MAP7: variants seen among roughly 807,000 people sequenced by gnomAD.
MAP7 encodes microtubule associated protein 7.
In MAP7, 52 loss-of-function variants were observed where a neutral mutation model predicts 94.8. The observed-to-expected ratio is 0.55, with a 90% CI of 0.44 to 0.69. The LOEUF (loss-of-function observed/expected upper bound fraction) is 0.69. Ranked by LOEUF, MAP7 falls within the 30% of genes least tolerant of loss-of-function variation. The pLI is 0.00. For missense variants in MAP7, 940 were observed against 964.6 expected, an observed-to-expected ratio of 0.97 and a Z score of 0.34; for synonymous variants, 350 against 357.0, an observed-to-expected ratio of 0.98 and a Z score of 0.22.
rs763411412 is a variant in MAP7 at position 136,360,054 on chromosome 6, CAAG to C, written c.1804-26_1804-24del. On this transcript the variant is annotated intron_variant, in intron 13 of 17. Coordinates refer to ENST00000354570, the MANE Select transcript of MAP7 (RefSeq NM_003980.6). ...TCGCTATAGGAAAGGAAGAATTGAG[CAAG>C]AAGATTAGACACAGAAAAAAAGCCA... 1.3e-4 allele frequency: 214 copies of C among 1,592,108 alleles called. 1 individual carries two copies. In the Admixed American group the frequency reaches 1.8e-3, roughly 13 times the overall value.
At chr6:136,357,500 C>A (rs1791363275) in intron 15 of MAP7, among the ~76,000 whole-genome samples, 1 of 152,104 alleles carries the variant, frequency 6.6e-6, no homozygotes, top group Non-Finnish European at 1.5e-5. Flanking sequence ...CCCCTTGCCC[C>A]CTGCTTTTTT....
chr6:136,362,170 C>G (rs1582672645), intron 11 of MAP7, among the ~76,000 whole-genome samples: 1 of 152,066 alleles, frequency 6.6e-6, no homozygotes, highest in East Asian at 1.9e-4. Flanking sequence ...TCTGCAATCT[C>G]AACACTTTGG....
intron 2 of MAP7, among the ~76,000 whole-genome samples, chr6:136,413,359 C>G (rs1204872154): frequency 6.6e-6 from 1 of 151,706 alleles, no homozygotes; most frequent in Non-Finnish European, 1.5e-5. Context: ...CCTGTCTCTA[C>G]TAAAAATACA....
chr6:136,521,936 TA>T (rs1277570470), intron 1 of MAP7, among the ~76,000 whole-genome samples: 1 of 152,200 alleles, frequency 6.6e-6, no homozygotes, highest in Admixed American at 6.5e-5. Flanking sequence ...GCATTATTTG[TA>T]CACATTTTTC....
intron 13 of MAP7, among the ~76,000 whole-genome samples, 178 bp downstream of exon 13, chr6:136,360,519 T>A (rs937782277): frequency 6.6e-6 from 1 of 152,092 alleles, no homozygotes; most frequent in African/African-American, 2.4e-5. Flanking sequence ...GAAGTAAGTG[T>A]TTTTTGGTGA....
At position 136,487,549 on chromosome 6, in the gene MAP7, GA is replaced by G. The variant is rs898560107; in HGVS notation, c.67+62792del. 4.0e-5 allele frequency among the ~76,000 whole-genome samples: 6 copies of G among 149,356 alleles called. No individual in the cohort carries two copies. The South Asian group carries it at 6.4e-4, about 16-fold the overall frequency. ...GATCCCGTTTCTGCAAAAATTTAAA[GA>G]AAAAAAAAATTAGCCAGGCATGGTG... On this transcript the variant is annotated intron_variant, in intron 1 of 17. Transcript: ENST00000354570.
chr6:136,468,470 T>C lies in MAP7; in HGVS notation c.68-46671A>G, dbSNP rs149033358. Among the ~76,000 whole-genome samples, 215 of 152,268 alleles carry C rather than the reference T, an allele frequency of 1.4e-3. 1 individual carries two copies. Among genetic ancestry groups the C allele is most frequent in the African/African-American group, 4.8e-3 (201 of 41,540 alleles). ...AGATGCTGCTCGACTTACAATGGGG[T>C]TATGTCCTGATAAGCCCATTATAAG... On this transcript the variant is annotated intron_variant, in intron 1 of 17. Transcript: ENST00000354570.
At chr6:136,422,836 T>C (rs571970969) in intron 1 of MAP7, among the ~76,000 whole-genome samples, 3 of 152,216 alleles carry the variant, frequency 2.0e-5, no homozygotes, top group Admixed American at 6.5e-5. Flanking sequence ...CTCTCTGCTT[T>C]CATATCAGTC....
chr6:136,347,838 T>C (rs1472687847), intron 16 of MAP7, among the ~76,000 whole-genome samples: 1 of 152,238 alleles, frequency 6.6e-6, no homozygotes, highest in Non-Finnish European at 1.5e-5. Flanking sequence ...TGAAGATGCC[T>C]GTCCTAAGTG....
At position 136,409,253 on chromosome 6, in the gene MAP7, C is replaced by T. The variant is rs114172343; in HGVS notation, c.244+2367G>A. Among the ~76,000 whole-genome samples the T allele has an allele frequency of 4.4e-3, 673 of 152,060 alleles. 6 individuals carry two copies. The highest frequency in any genetic ancestry group is 0.016 in the African/African-American group (648 of 41,476). Reference sequence around the variant, plus strand: ...AAGAGAAAAATGCCAGGTGTGGTGACGTGAGTCTGTAATGCCAGCTACTAA... The same window carrying T: ...AAGAGAAAAATGCCAGGTGTGGTGATGTGAGTCTGTAATGCCAGCTACTAA... On this transcript the variant is annotated intron_variant, in intron 3 of 17. Transcript: ENST00000354570.
chr6:136,426,050 T>C (rs946678140), intron 1 of MAP7, among the ~76,000 whole-genome samples: 3 of 152,220 alleles, frequency 2.0e-5, no homozygotes, highest in African/African-American at 7.2e-5. Context: ...TCCAATACTA[T>C]CTCCTCTCTT....
intron 1 of MAP7, among the ~76,000 whole-genome samples, chr6:136,536,425 G>A (rs965534239): frequency 7.2e-5 from 11 of 152,058 alleles, no homozygotes; most frequent in Admixed American, 5.9e-4. Flanking sequence ...ACCTAAACCC[G>A]TGGATGGCAG....
At chr6:136,405,201 A>G (rs1326268340) in intron 3 of MAP7, among the ~76,000 whole-genome samples, 1 of 152,262 alleles carries the variant, frequency 6.6e-6, no homozygotes, top group Non-Finnish European at 1.5e-5. Flanking sequence ...ACTAAGCTAC[A>G]GAAATGAAAA....
At chr6:136,358,204 A>G (rs145281972) in intron 15 of MAP7, among the ~76,000 whole-genome samples, 1 of 152,342 alleles carries the variant, frequency 6.6e-6, no homozygotes, top group East Asian at 1.9e-4. Context: ...GGATTGATTT[A>G]TAAAGAATAC....
intron 1 of MAP7, among the ~76,000 whole-genome samples, chr6:136,510,431 C>T (rs991411462): frequency 6.6e-6 from 1 of 152,098 alleles, no homozygotes; most frequent in African/African-American, 2.4e-5. Flanking sequence ...AATGGTTACC[C>T]GTGAGTTCCG....
intron 7 of MAP7, among the ~76,000 whole-genome samples, chr6:136,375,287 G>C (rs188668390): frequency 6.6e-6 from 1 of 151,978 alleles, no homozygotes; most frequent in Admixed American, 6.6e-5. Context: ...TGAATGTCCC[G>C]GGGAAAAAAA....
chr6:136,533,787 T>TC (rs1403290876), intron 1 of MAP7, among the ~76,000 whole-genome samples: 5 of 152,172 alleles, frequency 3.3e-5, no homozygotes, highest in African/African-American at 1.2e-4. Context: ...GAGAACTCAC[T>TC]CATTACCATA....
intron 3 of MAP7, among the ~76,000 whole-genome samples, chr6:136,406,696 C>T (rs149476394): frequency 0.017 from 2,603 of 152,282 alleles, 81 homozygotes; most frequent in African/African-American, 0.058. Context: ...TAGCACATGC[C>T]TGTAATCCCA....
intron 8 of MAP7, among the ~76,000 whole-genome samples, chr6:136,370,156 C>A (rs1795244030): frequency 6.6e-6 from 1 of 152,170 alleles, no homozygotes; most frequent in African/African-American, 2.4e-5. Context: ...GAAAAGCCAA[C>A]AAGCATATGA....
Sources: allele counts gnomAD v4.1 joint callset (sites outside exome capture counted in the v4.1 genomes callset), GRCh38; gene constraint gnomAD v4.1.1; transcripts MANE v1.5; gene names NCBI Gene and HGNC (gene_info 2026-07-23, HGNC 2026-07-21).